Variants in ADAMTS19 observed in about 807,000 individuals in gnomAD.
The protein encoded by ADAMTS19 is ADAM metallopeptidase with thrombospondin type 1 motif 19, also known as A disintegrin and metalloproteinase with thrombospondin motifs 19.
ADAMTS19 carries 93 observed loss-of-function variants against 153.3 expected under a neutral mutation model. The ratio of observed to expected loss-of-function variants is 0.61; its 90% CI spans 0.51 to 0.72. The LOEUF is 0.72. ADAMTS19 is among the 30% of genes least tolerant of loss of function. The pLI, the probability that ADAMTS19 is intolerant of heterozygous loss-of-function variation, is 0.00. For missense variants in ADAMTS19, 1,482 were observed against 1,552.1 expected (o/e 0.95, Z 0.76); for synonymous variants, 600 against 556.6 (o/e 1.08, Z -1.10).
At chr5:129,709,614 A>T (rs998015395) in intron 21 of ADAMTS19, among the ~76,000 whole-genome samples, 2 of 152,156 alleles carry the variant, frequency 1.3e-5, no homozygotes, top group African/African-American at 4.8e-5. Flanking sequence ...TTATAACCTT[A>T]AAGTGTTCTC....
At chr5:129,488,538 G>A (rs1750668210) in intron 2 of ADAMTS19, among the ~76,000 whole-genome samples, 1 of 152,020 alleles carries the variant, frequency 6.6e-6, no homozygotes, top group African/African-American at 2.4e-5. Context: ...GATCTGTAAA[G>A]ATCAGGTTTT....
chr5:129,469,531 C>G (rs1159569111), intron 2 of ADAMTS19, among the ~76,000 whole-genome samples: 3 of 152,042 alleles, frequency 2.0e-5, no homozygotes, highest in Non-Finnish European at 4.4e-5. Flanking sequence ...AGCAATTCTG[C>G]TTATAGTTGT....
intron 7 of ADAMTS19, among the ~76,000 whole-genome samples, chr5:129,591,746 G>A (rs1337194725): frequency 3.3e-5 from 5 of 152,086 alleles, no homozygotes; most frequent in African/African-American, 7.2e-5. Flanking sequence ...CTGGAACTTC[G>A]CCAGGAGTTT....
chr5:129,668,659 G>C (rs941650347), intron 16 of ADAMTS19, among the ~76,000 whole-genome samples: 1 of 151,986 alleles, frequency 6.6e-6, no homozygotes, highest in Admixed American at 6.6e-5. Flanking sequence ...TAAATTATGG[G>C]GGGGGACACA....
At chr5:129,679,655 C>G in intron 16 of ADAMTS19, 109 bp from the exon 17 acceptor site, 1 of 1,007,406 alleles carries the variant, frequency 9.9e-7, no homozygotes, top group Non-Finnish European at 1.4e-6. Flanking sequence ...GAATGTTGAT[C>G]CATTTGTTTG....
intron 8 of ADAMTS19, among the ~76,000 whole-genome samples, chr5:129,597,847 A>G (rs1237982486): frequency 1.3e-5 from 2 of 150,934 alleles, no homozygotes; most frequent in African/African-American, 4.9e-5. Flanking sequence ...GGTTGCAGTG[A>G]GCTGAGATTA....
At chr5:129,664,153 T>C (rs1753935018) in intron 15 of ADAMTS19, among the ~76,000 whole-genome samples, 1 of 152,208 alleles carries the variant, frequency 6.6e-6, no homozygotes, top group Non-Finnish European at 1.5e-5. Flanking sequence ...TTGAAGGTAG[T>C]AGCTTAAACA....
intron 2 of ADAMTS19, among the ~76,000 whole-genome samples, chr5:129,485,406 C>A (rs540444744): frequency 6.6e-6 from 1 of 151,614 alleles, no homozygotes; most frequent in East Asian, 1.9e-4. Context: ...GAGGATGGGT[C>A]CATCCTAAAT....
intron 16 of ADAMTS19, among the ~76,000 whole-genome samples, chr5:129,679,511 G>T (rs1445720617): frequency 6.6e-6 from 1 of 152,124 alleles, no homozygotes; most frequent in South Asian, 2.1e-4. Context: ...ATACATCAAA[G>T]GTCCAAGGAG....
chr5:129,539,249 A>T (rs1203473471), intron 6 of ADAMTS19, among the ~76,000 whole-genome samples: 1 of 152,120 alleles, frequency 6.6e-6, no homozygotes, highest in Non-Finnish European at 1.5e-5. Context: ...TGAGTGGTTC[A>T]GTGTAATCAC....
intron 6 of ADAMTS19, among the ~76,000 whole-genome samples, chr5:129,540,725 C>A (rs1752627346): frequency 6.6e-6 from 1 of 151,996 alleles, no homozygotes; most frequent in Non-Finnish European, 1.5e-5. Context: ...CTATTAAACT[C>A]TACAGTGAGA....
chr5:129,631,725 GTATC>G (rs2127001694), intron 10 of ADAMTS19, among the ~76,000 whole-genome samples: 1 of 151,936 alleles, frequency 6.6e-6, no homozygotes, highest in South Asian at 2.1e-4. Context: ...TAGTTTAAAT[GTATC>G]TGTGTACTAT....
intron 12 of ADAMTS19, 55 bp from the exon 13 acceptor site, chr5:129,648,743 C>A (rs1029629117): frequency 6.9e-7 from 1 of 1,453,104 alleles, no homozygotes; most frequent in Non-Finnish European, 9.5e-7. Flanking sequence ...TAATTTAAAA[C>A]CTAGGTAGTT....
At chr5:129,708,763 G>T (rs753621584) in intron 21 of ADAMTS19, among the ~76,000 whole-genome samples, 10 of 151,936 alleles carry the variant, frequency 6.6e-5, no homozygotes, top group Non-Finnish European at 1.5e-4. Context: ...GCACATAATT[G>T]TTCCTGGTTT....
chr5:129,679,561 G>T (rs1754704973), intron 16 of ADAMTS19, among the ~76,000 whole-genome samples: 1 of 152,192 alleles, frequency 6.6e-6, no homozygotes, highest in Admixed American at 6.5e-5. Context: ...TATAGTTATG[G>T]ACAATTTCAG....
intron 2 of ADAMTS19, among the ~76,000 whole-genome samples, chr5:129,484,188 C>A (rs185732471): frequency 2.6e-4 from 40 of 152,042 alleles, no homozygotes; most frequent in Admixed American, 5.9e-4. Flanking sequence ...AATGCTGTAC[C>A]CAGATCTCGA....
At chr5:129,548,676 G>A (rs920963100) in intron 6 of ADAMTS19, among the ~76,000 whole-genome samples, 4 of 151,894 alleles carry the variant, frequency 2.6e-5, no homozygotes, top group Non-Finnish European at 4.4e-5. Flanking sequence ...CCATTACTGG[G>A]TATATACCCA....
At chr5:129,639,560 G>A (rs1752703565) in intron 10 of ADAMTS19, among the ~76,000 whole-genome samples, 1 of 152,114 alleles carries the variant, frequency 6.6e-6, no homozygotes, top group Non-Finnish European at 1.5e-5. Context: ...GAATCAATGA[G>A]AGTACCTGCC....
intron 13 of ADAMTS19, 43 bp from the exon 14 acceptor site, chr5:129,654,263 G>A (rs765633660): frequency 6.5e-7 from 1 of 1,533,932 alleles, no homozygotes; most frequent in Non-Finnish European, 8.7e-7. Flanking sequence ...AAATATTTAT[G>A]GGGTAACTTT....
Sources: allele counts gnomAD v4.1 joint callset (sites outside exome capture counted in the v4.1 genomes callset), GRCh38; gene constraint gnomAD v4.1.1; transcripts MANE v1.5; gene names NCBI Gene and HGNC (gene_info 2026-07-23, HGNC 2026-07-21).